The following ROBO2 variants were observed in gnomAD, a reference collection of about 807,000 sequenced individuals.
ROBO2 encodes the protein roundabout guidance receptor 2.
A neutral mutation model predicts 160.8 loss-of-function variants in ROBO2; 53 were observed. That is an observed-to-expected ratio of 0.33 (90% CI 0.26 to 0.41). ROBO2 has a LOEUF of 0.41. Among genes scored for constraint, ROBO2 ranks in the 10% least tolerant of loss-of-function variants. The pLI, the probability that ROBO2 is intolerant of heterozygous loss-of-function variation, is 1.00. For synonymous variants in ROBO2, 664 were observed against 611.7 expected (o/e 1.09, Z -1.26); for missense variants, 1,577 against 1,722.4 (o/e 0.92, Z 1.49).
chr3:76,995,109 C>T (rs2060916817), intron 2 of ROBO2, among the ~76,000 whole-genome samples: 1 of 35,130 alleles, frequency 2.8e-5, no homozygotes, highest in African/African-American at 2.0e-4. Flanking sequence ...AGACCCCCCA[C>T]CCCCAACAGG....
intron 2 of ROBO2, among the ~76,000 whole-genome samples, chr3:76,866,923 T>C (rs2071432361): frequency 6.6e-6 from 1 of 152,152 alleles, no homozygotes; most frequent in South Asian, 2.1e-4. Flanking sequence ...ACTCATTTAA[T>C]GAACTATATG....
At chr3:76,974,626 G>T (rs2059725245) in intron 2 of ROBO2, among the ~76,000 whole-genome samples, 1 of 152,124 alleles carries the variant, frequency 6.6e-6, no homozygotes, top group Non-Finnish European at 1.5e-5. Flanking sequence ...CTCCTACAGT[G>T]TTTAAGGAAC....
At chr3:77,378,173 G>A (rs2072943229) in intron 2 of ROBO2, among the ~76,000 whole-genome samples, 1 of 152,148 alleles carries the variant, frequency 6.6e-6, no homozygotes, top group South Asian at 2.1e-4. Context: ...TAGAATGAAA[G>A]TAACATTTTT....
At chr3:76,875,380 G>A (rs2072597517) in intron 2 of ROBO2, among the ~76,000 whole-genome samples, 1 of 152,206 alleles carries the variant, frequency 6.6e-6, no homozygotes, top group African/African-American at 2.4e-5. Context: ...TGTGCATAGT[G>A]TATTAGATTC....
intron 2 of ROBO2, among the ~76,000 whole-genome samples, chr3:76,910,118 T>C (rs1146022): frequency 0.28 from 43,033 of 152,018 alleles, 6,217 homozygotes; most frequent in Middle Eastern, 0.41. Flanking sequence ...TCAAAGTGGT[T>C]GGTACAAGAT....
chr3:77,024,190 A>G (rs113670032), intron 2 of ROBO2, among the ~76,000 whole-genome samples: 2,591 of 152,302 alleles, frequency 0.017, 96 homozygotes, highest in African/African-American at 0.058. Context: ...ATTTAAGTTA[A>G]GTAGAGAAAT....
intron 6 of ROBO2, among the ~76,000 whole-genome samples, chr3:77,541,765 T>C (rs9818565): frequency 0.044 from 6,681 of 152,320 alleles, 207 homozygotes; most frequent in African/African-American, 0.091. Flanking sequence ...AAAAGATTTT[T>C]CCAATGCTTT....
chr3:76,558,191 G>A (rs755555347), intron 2 of ROBO2, among the ~76,000 whole-genome samples: 1 of 152,018 alleles, frequency 6.6e-6, no homozygotes, highest in Non-Finnish European at 1.5e-5. Context: ...ATTCCCGTGT[G>A]AACTGAAAAT....
rs75373705 is a variant in ROBO2, at chr3:77,199,798, T to G, written c.388+101458T>G. Among the ~76,000 whole-genome samples the G allele has an allele frequency of 5.9e-3, 845 of 142,594 alleles. 7 individuals carry two copies. The highest frequency in any genetic ancestry group is 9.9e-3 in the African/African-American group (395 of 40,086). 93.5% of individuals were successfully genotyped at this position (142,594 alleles called of 152,430 possible). A position where few individuals can be genotyped will look rare whatever the true frequency, so the allele number is the denominator to read the frequency against. Reference sequence around the variant, plus strand: ...CCACCGTACCTCGCTAATTTTTTTTTTTGTTGTTTATAGAGATGATGACCC... The same window carrying G: ...CCACCGTACCTCGCTAATTTTTTTTGTTGTTGTTTATAGAGATGATGACCC... On this transcript the variant is annotated intron_variant, in intron 2 of 25. Transcript: ENST00000461745.
intron 2 of ROBO2, among the ~76,000 whole-genome samples, chr3:77,447,345 C>G (rs2080640515): frequency 6.6e-6 from 1 of 151,954 alleles, no homozygotes; most frequent in Non-Finnish European, 1.5e-5. Flanking sequence ...AATACTTTGG[C>G]CTTTTTTGCT....
chr3:77,212,844 T>C (rs1294940608), intron 2 of ROBO2, among the ~76,000 whole-genome samples: 1 of 152,238 alleles, frequency 6.6e-6, no homozygotes. Context: ...ATATGTTTTT[T>C]GTCTTTGGTT....
intron 2 of ROBO2, among the ~76,000 whole-genome samples, chr3:77,250,783 G>A (rs2090254352): frequency 6.6e-6 from 1 of 152,024 alleles, no homozygotes; most frequent in South Asian, 2.1e-4. Flanking sequence ...AGAGATGGAG[G>A]GTAAGGGGGC....
At chr3:77,186,950 CT>C (rs2081338878) in intron 2 of ROBO2, among the ~76,000 whole-genome samples, 1 of 151,966 alleles carries the variant, frequency 6.6e-6, no homozygotes, top group Admixed American at 6.6e-5. Flanking sequence ...ATAACTCACA[CT>C]TGCGGTATTC....
At chr3:76,667,946 C>T (rs1012654257) in intron 2 of ROBO2, among the ~76,000 whole-genome samples, 1 of 151,926 alleles carries the variant, frequency 6.6e-6, no homozygotes, top group Non-Finnish European at 1.5e-5. Flanking sequence ...AAATTTTTAT[C>T]CATAGATTTT....
chr3:77,121,913 T>TTTA (rs1285176242), intron 2 of ROBO2, among the ~76,000 whole-genome samples: 1 of 152,132 alleles, frequency 6.6e-6, no homozygotes, highest in African/African-American at 2.4e-5. Flanking sequence ...TATTTAGAAT[T>TTTA]TTATTATTAT....
chr3:76,708,484 A>G (rs898864391), intron 2 of ROBO2, among the ~76,000 whole-genome samples: 21 of 152,318 alleles, frequency 1.4e-4, no homozygotes, highest in Non-Finnish European at 2.9e-4. Context: ...TACTTGAATC[A>G]TCTGAATTAT....
At chr3:77,506,644 G>A (rs1234200948) in intron 5 of ROBO2, among the ~76,000 whole-genome samples, 1 of 152,010 alleles carries the variant, frequency 6.6e-6, no homozygotes, top group African/African-American at 2.4e-5. Context: ...GTCTTACTAT[G>A]CACAGGACAA....
chr3:76,310,310 G>T (rs1056604456), intron 2 of ROBO2, among the ~76,000 whole-genome samples: 4 of 152,144 alleles, frequency 2.6e-5, no homozygotes, highest in African/African-American at 9.7e-5. Context: ...ATAAAAATAT[G>T]CTTTCTTGAA....
intron 2 of ROBO2, among the ~76,000 whole-genome samples, chr3:76,661,436 A>G (rs1468692582): frequency 6.6e-6 from 1 of 152,174 alleles, no homozygotes. Flanking sequence ...CCATGACACA[A>G]CCTCAGGAGG....
Sources: allele counts gnomAD v4.1 joint callset (sites outside exome capture counted in the v4.1 genomes callset), GRCh38; gene constraint gnomAD v4.1.1; transcripts MANE v1.5; gene names NCBI Gene and HGNC (gene_info 2026-07-23, HGNC 2026-07-21).